TMEM201: variants seen among roughly 807,000 people sequenced by gnomAD.
The protein encoded by TMEM201 is RP13-15M17.2.
Under a neutral mutation model 63.4 loss-of-function variants are expected in TMEM201, and 26 were observed. That is an observed-to-expected ratio of 0.41 (90% CI 0.30 to 0.57). The LOEUF is 0.57. TMEM201 is among the 20% of genes least tolerant of loss of function. TMEM201 has a pLI of 0.29. For missense variants in TMEM201, 794 were observed against 917.7 expected, an observed-to-expected ratio of 0.87 and a Z score of 1.74; for synonymous variants, 417 against 421.6, an observed-to-expected ratio of 0.99 and a Z score of 0.14.
intron 5 of TMEM201, 60 bp downstream of exon 5, chr1:9,601,514 C>A: frequency 6.7e-7 from 1 of 1,487,992 alleles, no homozygotes; most frequent in South Asian, 1.3e-5. Context: ...GGATTACTGT[C>A]TAGGGCGGGG....
Position 9,607,263 on chromosome 1 carries a change from G to A in TMEM201, c.1161-294G>A, listed in dbSNP as rs1266336191. On this transcript the variant is annotated intron_variant, in intron 6 of 10. Coordinates refer to ENST00000340381, the MANE Select transcript of TMEM201 (RefSeq NM_001130924.3). The surrounding 1 kb of genome is among the most constrained non-coding windows in gnomAD (Gnocchi z 5.4). ...GGGTTGGCATGAGGTTGGCAAAGGCGACAGTGTCACTTTAATACCGAGACT... is the reference window on the plus strand; with the variant it reads ...GGGTTGGCATGAGGTTGGCAAAGGCAACAGTGTCACTTTAATACCGAGACT... 6.6e-5 allele frequency among the ~76,000 whole-genome samples: 10 copies of A among 152,024 alleles called. No homozygotes were observed. Among genetic ancestry groups the A allele is most frequent in the African/African-American group, 2.4e-4 (10 of 41,372 alleles).
rs374754055 is a variant in TMEM201, at chr1:9,603,971, C to T, written c.1160+1699C>T. The T allele has an allele frequency of 2.1e-5, 21 of 985,412 alleles. No homozygotes were observed. Among genetic ancestry groups the T allele is most frequent in the Middle Eastern group, 5.2e-4 (1 of 1,914 alleles). The allele number at this position is 985,412 out of a possible 1,614,324, so 61.0% of individuals were successfully genotyped here. A position where few individuals can be genotyped will look rare whatever the true frequency, so the allele number is the denominator to read the frequency against. ...CTGGTTCTGCAGTGAGGAGTTGGGG[C>T]GGGTGAGCCAAAGCGGCCCCCCATG... On this transcript the variant is annotated intron_variant, in intron 6 of 10. Transcript: ENST00000340381. The surrounding 1 kb of genome is among the most constrained non-coding windows in gnomAD (Gnocchi z 4.5).
chr1:9,602,415 C>T, intron 6 of TMEM201, 143 bp downstream of exon 6: 1 of 1,466,936 alleles, frequency 6.8e-7, no homozygotes. Flanking sequence ...GCCCCAGGTC[C>T]TGGCCCAGTC....
intron 4 of TMEM201, among the ~76,000 whole-genome samples, chr1:9,599,298 A>C (rs1644089844): frequency 6.6e-6 from 1 of 151,602 alleles, no homozygotes; most frequent in Non-Finnish European, 1.5e-5. Flanking sequence ...CCCAGGCTGG[A>C]GTGAAGTGGC....
chr1:9,610,445 C>A lies in TMEM201; in HGVS notation c.1466-61C>A. 1.5e-5 allele frequency: 21 copies of A among 1,386,968 alleles called. No homozygotes were observed. Among genetic ancestry groups the A allele is most frequent in the Non-Finnish European group, 2.0e-5 (21 of 1,044,176 alleles). The allele number at this position is 1,386,968 out of a possible 1,614,324, so 85.9% of individuals were successfully genotyped here. On this transcript the variant is annotated intron_variant, in intron 8 of 10. Transcript: ENST00000340381. This position sits in a 1 kb window ranked among gnomAD's most constrained non-coding sequence, Gnocchi z 4.9. ...AAGAATGCCCCCAGAAATGAAATAGCGCATTGTAGCGTTGCAGTGACAGGA... is the reference window on the plus strand; with the variant it reads ...AAGAATGCCCCCAGAAATGAAATAGAGCATTGTAGCGTTGCAGTGACAGGA...
Position 9,607,465 on chromosome 1 carries a change from C to T in TMEM201, c.1161-92C>T. On this transcript the variant is annotated intron_variant, in intron 6 of 10. Coordinates refer to ENST00000340381, the MANE Select transcript of TMEM201 (RefSeq NM_001130924.3). This position sits in a 1 kb window ranked among gnomAD's most constrained non-coding sequence, Gnocchi z 5.4. Reference sequence around the variant, plus strand: ...GACCCCAGCTGAGGCCCCCACCTTGCACTGTGGGAGAGGGGTGGGACCCAC... The same window carrying T: ...GACCCCAGCTGAGGCCCCCACCTTGTACTGTGGGAGAGGGGTGGGACCCAC... 4 of 989,308 alleles carry T rather than the reference C, an allele frequency of 4.0e-6. No homozygotes were observed. The highest frequency in any genetic ancestry group is 5.9e-6 in the Non-Finnish European group (4 of 676,380). The allele number at this position is 989,308 out of a possible 1,614,324, so 61.3% of individuals were successfully genotyped here.
At chr1:9,594,990 T>A (rs1446467449) in intron 1 of TMEM201, among the ~76,000 whole-genome samples, 1 of 152,168 alleles carries the variant, frequency 6.6e-6, no homozygotes, top group East Asian at 1.9e-4. Flanking sequence ...AGCGGTGTCC[T>A]CGAGCTGGAG....
intron 10 of TMEM201, 75 bp from the exon 11 acceptor site, chr1:9,612,911 G>A: frequency 7.6e-7 from 1 of 1,308,300 alleles, no homozygotes. Flanking sequence ...CAAACTGCAT[G>A]CTCTAGGGGG....
Position 9,605,910 on chromosome 1 carries a change from C to G in TMEM201, c.1161-1647C>G, listed in dbSNP as rs976541465. Among the ~76,000 whole-genome samples the G allele has an allele frequency of 6.6e-6, 1 of 152,182 alleles. No homozygotes were observed. The highest frequency in any genetic ancestry group is 1.5e-5 in the Non-Finnish European group (1 of 68,022). ...TAGGACCCTCCTTTCACACATCCCC[C>G]AACGGTACTCTCAGGTCACTGGGGG... On this transcript the variant is annotated intron_variant, in intron 6 of 10. Transcript: ENST00000340381. This position sits in a 1 kb window ranked among gnomAD's most constrained non-coding sequence, Gnocchi z 5.7.
Position 9,609,828 on chromosome 1 carries a change from C to G in TMEM201, c.1394-12C>G. 22 of 1,551,330 alleles carry G rather than the reference C, an allele frequency of 1.4e-5. No individual in the cohort carries two copies. The highest frequency in any genetic ancestry group is 1.8e-5 in the Non-Finnish European group (21 of 1,146,912). On this transcript the variant is annotated splice_polypyrimidine_tract_variant and intron_variant, in intron 7 of 10. Coordinates refer to ENST00000340381, the MANE Select transcript of TMEM201 (RefSeq NM_001130924.3). ...CAGGCCTGACGTGTCGCCCGCTTCTCTCTGTCTCCAGACTCCGGCTATCTG... is the reference window on the plus strand; with the variant it reads ...CAGGCCTGACGTGTCGCCCGCTTCTGTCTGTCTCCAGACTCCGGCTATCTG...
chr1:9,600,756 A>C (rs1644123713), intron 4 of TMEM201, among the ~76,000 whole-genome samples: 1 of 151,920 alleles, frequency 6.6e-6, no homozygotes, highest in African/African-American at 2.4e-5. Context: ...CCATCTCTAC[A>C]AAAAAAATAC....
At position 9,611,858 on chromosome 1, in the gene TMEM201, G is replaced by A; in HGVS notation, c.1871G>A (p.Arg624Lys). ...ACCTGTGTGGTGGACACCACCACCA[G>A]GGGCTGCTCGGAGGAGGCCGCCACC... ...SSTCVVDTTT[R>K]GCSEEAATWR... The change falls in exon 10 of 11, where the codon AGG (arginine) becomes AAG (lysine). Residue 624 changes from arginine to lysine, a missense_variant. Physicochemically the swap from Arg to Lys is conservative, Grantham distance 26. Transcript: ENST00000340381. 6.4e-7 allele frequency: 1 copy of A among 1,550,432 alleles called. No homozygotes were observed. The highest frequency in any genetic ancestry group is 2.4e-5 in the East Asian group (1 of 40,914).
At chr1:9,602,746 C>T (rs1347901391) in intron 6 of TMEM201, 24 of 1,017,622 alleles carry the variant, frequency 2.4e-5, no homozygotes, top group Non-Finnish European at 2.7e-5. Flanking sequence ...CCCTGGCGTG[C>T]CCTGACCGTG....
At chr1:9,589,647 C>T (rs1461396786) in intron 1 of TMEM201, among the ~76,000 whole-genome samples, 1 of 152,240 alleles carries the variant, frequency 6.6e-6, no homozygotes, top group Non-Finnish European at 1.5e-5. Context: ...GGGCCGGGGC[C>T]ACCCTCCTCC....
rs1644037764 is a variant in TMEM201 at position 9,597,051 on chromosome 1, G to A, written c.427G>A (p.Glu143Lys). 6.2e-7 allele frequency: 1 copy of A among 1,602,064 alleles called. No individual in the cohort carries two copies. Among genetic ancestry groups the A allele is most frequent in the Non-Finnish European group, 8.5e-7 (1 of 1,172,020 alleles). ...KQLAAFAPREEGRYDEEVEVY... is the reference protein window; with the variant it reads ...KQLAAFAPREKGRYDEEVEVY... ...GCTGGCCGCCTTCGCTCCCCGCGAG[G>A]AGGTGAGGCCGGGTTGGGAGGGCAG... The change falls in exon 3 of 11, where the codon GAG (glutamate) becomes AAG (lysine). Residue 143 changes from glutamate (E) to lysine (K), a missense_variant and splice_region_variant. By Grantham distance (56) the Glu-to-Lys change is moderately conservative. Transcript: ENST00000340381.
chr1:9,607,662 G>C lies in TMEM201; in HGVS notation c.1266G>C (p.Pro422=). 1.3e-6 allele frequency: 2 copies of C among 1,551,740 alleles called. No individual in the cohort carries two copies. The highest frequency in any genetic ancestry group is 1.7e-6 in the Non-Finnish European group (2 of 1,147,068). The change falls in exon 7 of 11, where the codon CCG becomes CCC. Residue 422 remains proline (P), a synonymous_variant. Coordinates refer to ENST00000340381, the MANE Select transcript of TMEM201 (RefSeq NM_001130924.3). The surrounding 1 kb of genome is among the most constrained non-coding windows in gnomAD (Gnocchi z 5.4). ...GSPASLFIPS[P]PSFLPLANQQ... ...CAGCGTCTCTGTTCATCCCCAGCCCGCCCAGCTTCCTGCCCCTCGCCAACC... is the reference window on the plus strand; with the variant it reads ...CAGCGTCTCTGTTCATCCCCAGCCCCCCCAGCTTCCTGCCCCTCGCCAACC...
intron 1 of TMEM201, among the ~76,000 whole-genome samples, chr1:9,595,456 G>C (rs937420177): frequency 1.3e-5 from 2 of 152,044 alleles, no homozygotes; most frequent in African/African-American, 4.8e-5. Flanking sequence ...AGGACCTCGT[G>C]GGGGAGGGGT....
rs758947722 is a variant in TMEM201 at position 9,610,485 on chromosome 1, C to G, written c.1466-21C>G. On this transcript the variant is annotated intron_variant, in intron 8 of 10. Transcript: ENST00000340381. The surrounding 1 kb of genome is among the most constrained non-coding windows in gnomAD (Gnocchi z 4.9). ...CAGTGACAGGAGCCCACGTTCACATCATCTTCCTCCCTCCCTCCAGATTAC... is the reference window on the plus strand; with the variant it reads ...CAGTGACAGGAGCCCACGTTCACATGATCTTCCTCCCTCCCTCCAGATTAC... 9 of 1,495,048 alleles carry G rather than the reference C, an allele frequency of 6.0e-6. No homozygotes were observed. Among genetic ancestry groups the G allele is most frequent in the Non-Finnish European group, 8.1e-6 (9 of 1,117,672 alleles). 92.6% of individuals were successfully genotyped at this position (1,495,048 alleles called of 1,614,324 possible).
rs781740701 is a variant in TMEM201, at chr1:9,602,221, C to T, written c.1109C>T (p.Ala370Val). 2.4e-5 allele frequency: 38 copies of T among 1,612,578 alleles called. No homozygotes were observed. The highest frequency in any genetic ancestry group is 4.5e-5 in the East Asian group (2 of 44,882). ...TSLCCLVGFT[A>V]AVATRKATGP... The stretch of plus-strand genomic sequence containing the variant: ...TTGTGCTGCCTGGTTGGCTTCACGG[C>T]GGCTGTGGCCACAAGGAAGGCAACG... The change falls in exon 6 of 11, where the codon GCG becomes GTG. Residue 370 changes from alanine (A) to valine (V), a missense_variant. Ala to Val is a moderately conservative substitution (Grantham distance 64). Transcript: ENST00000340381.
Sources: gnomAD v4.1 joint callset for allele counts (sites outside exome capture counted in the v4.1 genomes callset) on GRCh38, gnomAD v4.1.1 for gene constraint, Gnocchi (gnomAD v3.1) non-coding constraint, MANE v1.5 for transcripts, NCBI Gene and HGNC (gene_info 2026-07-23, HGNC 2026-07-21) for gene names.